The following NBPF15 variants were observed in gnomAD, a reference collection of about 807,000 sequenced individuals.
NBPF15 encodes the protein NBPF family member NBPF15.
Under a neutral mutation model 62.2 loss-of-function variants are expected in NBPF15, and 74 were observed. That is an observed-to-expected ratio of 1.19 (90% CI 0.99 to 1.44). The LOEUF (loss-of-function observed/expected upper bound fraction) is 1.44. Among genes scored for constraint, NBPF15 ranks in the 40% most tolerant of loss-of-function variants. The pLI is 0.00. For synonymous variants in NBPF15, 244 were observed against 209.7 expected (o/e 1.16, Z -1.41); for missense variants, 790 against 550.0 (o/e 1.44, Z -4.36).
intron 4 of NBPF15, among the ~76,000 whole-genome samples, chr1:144,455,617 C>T (rs1693978223): frequency 6.6e-6 from 1 of 152,022 alleles, no homozygotes; most frequent in African/African-American, 2.4e-5. Context: ...AGAAGCTTCC[C>T]AGCTGCAGGT....
intron 15 of NBPF15, 72 bp from the exon 16 acceptor site, chr1:144,428,062 T>C (rs1671127950): frequency 2.5e-6 from 2 of 785,160 alleles, no homozygotes; most frequent in African/African-American, 1.7e-5. Flanking sequence ...CTAGATTTCA[T>C]GGCTAACATA....
At chr1:144,449,677 T>C (rs1440286098) in intron 5 of NBPF15, among the ~76,000 whole-genome samples, 2 of 151,944 alleles carry the variant, frequency 1.3e-5, no homozygotes, top group Non-Finnish European at 2.9e-5. Flanking sequence ...AGTCCCAGGC[T>C]GTGGATCCTA....
At chr1:144,452,144 C>T (rs1418905042) in intron 4 of NBPF15, among the ~76,000 whole-genome samples, 19 of 151,674 alleles carry the variant, frequency 1.3e-4, no homozygotes, top group Admixed American at 3.9e-4. Context: ...AGAGAAATAA[C>T]TCCATCTCCA....
intron 6 of NBPF15, among the ~76,000 whole-genome samples, chr1:144,441,109 G>A (rs1408765004): frequency 1.3e-5 from 2 of 151,946 alleles, no homozygotes; most frequent in African/African-American, 2.4e-5. Context: ...TCTGATGGGA[G>A]ACAGGTTTAC....
chr1:144,450,917 C>A (rs1690676178), intron 4 of NBPF15, 47 bp from the exon 5 acceptor site: 1 of 193,088 alleles, frequency 5.2e-6, no homozygotes, highest in Non-Finnish European at 9.5e-6. Context: ...TGCCCCTCCA[C>A]ACCTGTGGGC....
intron 20 of NBPF15, among the ~76,000 whole-genome samples, chr1:144,424,340 G>A (rs1224394888): frequency 6.6e-6 from 1 of 151,438 alleles, no homozygotes; most frequent in Non-Finnish European, 1.5e-5. Context: ...ATTGTTCATG[G>A]TTGTGAGGAC....
At chr1:144,450,546 G>A (rs1307149970) in intron 5 of NBPF15, among the ~76,000 whole-genome samples, 3 of 150,196 alleles carry the variant, frequency 2.0e-5, no homozygotes, top group African/African-American at 7.5e-5. Flanking sequence ...CCGGATTTTA[G>A]CCTCACATGA....
rs1571137678 is a variant in NBPF15, at chr1:144,440,038, A to G, written c.-35T>C. ...TGTGGCAGAAGAGGTGGAGTCAGGG[A>G]CTGGGGAGAAGAAACCCAAACATAT... On this transcript the variant is annotated splice_region_variant and 5_prime_UTR_variant, in exon 8 of 22. Transcript: ENST00000581897. 1 of 1,596,862 alleles carries G rather than the reference A, an allele frequency of 6.3e-7. No homozygotes were observed. The highest frequency in any genetic ancestry group is 8.6e-7 in the Non-Finnish European group (1 of 1,166,098).
chr1:144,422,966 T>A lies in NBPF15; in HGVS notation c.*47A>T, dbSNP rs781909535. 1.1e-5 allele frequency: 17 copies of A among 1,611,518 alleles called. No individual in the cohort carries two copies. Among genetic ancestry groups the A allele is most frequent in the Non-Finnish European group, 1.4e-5 (16 of 1,179,630 alleles). ...TTTCATTCAAATCTTCTCGTGCCTA[T>A]AGGTCCTGCCTGCAGGAATGACATC... On this transcript the variant is annotated 3_prime_UTR_variant, in exon 22 of 22. Coordinates refer to ENST00000581897, the MANE Select transcript of NBPF15 (RefSeq NM_001385408.1).
chr1:144,424,035 T>C, intron 20 of NBPF15, 60 bp from the exon 21 acceptor site: 1 of 759,886 alleles, frequency 1.3e-6, no homozygotes, highest in East Asian at 2.4e-5. Context: ...CATATAACAA[T>C]CCACTGTCTA....
intron 5 of NBPF15, among the ~76,000 whole-genome samples, chr1:144,450,303 G>A (rs1351001278): frequency 1.4e-5 from 2 of 144,910 alleles, no homozygotes; most frequent in Non-Finnish European, 3.0e-5. Context: ...GATGAAGTCA[G>A]AGAAGGTGGG....
At chr1:144,457,848 G>A (rs1319049351) in intron 3 of NBPF15, among the ~76,000 whole-genome samples, 1 of 151,992 alleles carries the variant, frequency 6.6e-6, no homozygotes. Flanking sequence ...CCAACACTTT[G>A]AGATGCCAAG....
At chr1:144,451,305 AG>A (rs1194371800) in intron 4 of NBPF15, among the ~76,000 whole-genome samples, 1 of 151,898 alleles carries the variant, frequency 6.6e-6, no homozygotes, top group African/African-American at 2.4e-5. Flanking sequence ...CTCCTATCTC[AG>A]TAGATGGGAT....
At chr1:144,442,449 G>A (rs1485559692) in intron 6 of NBPF15, among the ~76,000 whole-genome samples, 1 of 145,184 alleles carries the variant, frequency 6.9e-6, no homozygotes, top group Non-Finnish European at 1.5e-5. Flanking sequence ...TTTTTTAAGT[G>A]GCGGAGCGAG....
chr1:144,458,142 AT>A (rs1553547540), intron 3 of NBPF15, among the ~76,000 whole-genome samples: 1 of 152,042 alleles, frequency 6.6e-6, no homozygotes, highest in African/African-American at 2.4e-5. Flanking sequence ...GTAGAATACT[AT>A]TGTTTACATC....
intron 12 of NBPF15, among the ~76,000 whole-genome samples, chr1:144,434,710 A>C (rs1382716073): frequency 6.6e-6 from 1 of 151,538 alleles, no homozygotes; most frequent in Non-Finnish European, 1.5e-5. Context: ...AGAGCAGTGA[A>C]GCCTGAGGAA....
Position 144,423,008 on chromosome 1 carries a change from G to C in NBPF15, c.*5C>G. 2.5e-6 allele frequency: 4 copies of C among 1,611,656 alleles called. No homozygotes were observed. The highest frequency in any genetic ancestry group is 1.1e-5 in the South Asian group (1 of 90,970). ...AATGACATCTCTCGGCTTAGTAAGA[G>C]CTGCTTATTGTGGGAATATGACTCC... On this transcript the variant is annotated 3_prime_UTR_variant, in exon 22 of 22. Transcript: ENST00000581897.
chr1:144,452,176 A>G (rs1447316967), intron 4 of NBPF15, among the ~76,000 whole-genome samples: 2 of 152,004 alleles, frequency 1.3e-5, no homozygotes, highest in African/African-American at 4.8e-5. Flanking sequence ...AAAATAAAAT[A>G]AAGACGGTTC....
At chr1:144,455,851 G>C (rs1234842034) in intron 4 of NBPF15, among the ~76,000 whole-genome samples, 1 of 151,870 alleles carries the variant, frequency 6.6e-6, no homozygotes, top group Non-Finnish European at 1.5e-5. Flanking sequence ...CCCAGAGCAG[G>C]GCATGGTACC....
Sources: gnomAD v4.1 joint callset for allele counts (sites outside exome capture counted in the v4.1 genomes callset) on GRCh38, gnomAD v4.1.1 for gene constraint, MANE v1.5 for transcripts, NCBI Gene and HGNC (gene_info 2026-07-23, HGNC 2026-07-21) for gene names.